Variants in TBC1D1 observed in about 807,000 individuals in gnomAD.
TBC1D1 encodes the protein TBC1 (tre-2/USP6, BUB2, cdc16) domain family, member 1.
In TBC1D1, 89 loss-of-function variants were observed where a neutral mutation model predicts 125.6. The ratio of observed to expected loss-of-function variants is 0.71; its 90% CI spans 0.60 to 0.85. The LOEUF is 0.85. Ranked by LOEUF, TBC1D1 falls within the 40% of genes least tolerant of loss-of-function variation. TBC1D1 has a pLI of 0.00. For missense variants in TBC1D1, 1,377 were observed against 1,469.2 expected, an observed-to-expected ratio of 0.94 and a Z score of 1.03; for synonymous variants, 565 against 564.1, an observed-to-expected ratio of 1.00 and a Z score of -0.02.
rs977884657 is a variant in TBC1D1 at position 38,054,228 on chromosome 4, G to A, written c.1940G>A (p.Gly647Asp). 6.2e-7 allele frequency: 1 copy of A among 1,614,040 alleles called. No individual in the cohort carries two copies. Among genetic ancestry groups the A allele is most frequent in the African/African-American group, 1.3e-5 (1 of 74,918 alleles). Reference sequence around the variant, plus strand: ...TTTGAATCCAAAGCAAACCATCTTGGTGATTCTGGTGGGACTCCTGTGAAG... The same window carrying A: ...TTTGAATCCAAAGCAAACCATCTTGATGATTCTGGTGGGACTCCTGTGAAG... Residue 647 changes from glycine to aspartate, a missense_variant, in exon 12 of 20, where the codon GGT becomes GAT. By Grantham distance (94) the Gly-to-Asp change is moderately conservative. This residue lies in a region of TBC1D1 where 12 missense variants were observed against 31.1 expected (regional missense o/e 0.39). Coordinates refer to ENST00000261439, the MANE Select transcript of TBC1D1 (RefSeq NM_015173.4).
chr4:38,050,540 A>G (rs1298468322), intron 11 of TBC1D1, among the ~76,000 whole-genome samples: 2 of 152,214 alleles, frequency 1.3e-5, no homozygotes, highest in Non-Finnish European at 2.9e-5. Flanking sequence ...AGTTCCCCCC[A>G]TTCCTTCCAA....
At chr4:37,956,116 T>C (rs1728888966) in intron 2 of TBC1D1, among the ~76,000 whole-genome samples, 1 of 151,874 alleles carries the variant, frequency 6.6e-6, no homozygotes, top group Non-Finnish European at 1.5e-5. Flanking sequence ...AACATCTGCC[T>C]CCCAGGTTCA....
In TBC1D1 at chr4:38,058,009, C is replaced by T. The variant is rs77457064; in HGVS notation, c.2050+3671C>T. Among the ~76,000 whole-genome samples, 21 of 152,318 alleles carry T rather than the reference C, an allele frequency of 1.4e-4. No homozygotes were observed. The East Asian group carries it at 3.9e-3, about 28-fold the overall frequency. On this transcript the variant is annotated intron_variant, in intron 12 of 19. Transcript: ENST00000261439. ...GCTCCCTATAGGCATCTGTGTTGGGCGTGGACTCTCAGTGTACCTGCATGT... is the reference window on the plus strand; with the variant it reads ...GCTCCCTATAGGCATCTGTGTTGGGTGTGGACTCTCAGTGTACCTGCATGT...
At chr4:38,025,712 G>C (rs1744949004) in intron 6 of TBC1D1, among the ~76,000 whole-genome samples, 1 of 152,160 alleles carries the variant, frequency 6.6e-6, no homozygotes, top group Non-Finnish European at 1.5e-5. Context: ...ATGTGGGGGG[G>C]ATTTTTAGTG....
At chr4:38,055,712 C>T (rs978192014) in intron 12 of TBC1D1, among the ~76,000 whole-genome samples, 2 of 152,174 alleles carry the variant, frequency 1.3e-5, no homozygotes, top group African/African-American at 2.4e-5. Context: ...GGTTTGATTT[C>T]TCTTCCTGCC....
Position 38,014,723 on chromosome 4 carries a change from G to GCCGCCC in TBC1D1, c.634_635insGCCCCC (p.Ser211_Pro212insArgPro). ...GTCAGCGGCAGCCGGGGGTCCGAGA[G>GCCGCCC]CCCCCGCCCCAACCCGCCCCATGCC... is the stretch of plus-strand genomic sequence containing the variant. On this transcript the variant is annotated inframe_insertion, in exon 3 of 20. Coordinates refer to ENST00000261439, the MANE Select transcript of TBC1D1 (RefSeq NM_015173.4). The surrounding 1 kb of genome is among the most constrained non-coding windows in gnomAD (Gnocchi z 5.1). The GCCGCCC allele has an allele frequency of 6.2e-7, 1 of 1,600,220 alleles. No individual in the cohort carries two copies.
At chr4:38,076,107 A>G (rs1204921678) in intron 12 of TBC1D1, among the ~76,000 whole-genome samples, 1 of 152,212 alleles carries the variant, frequency 6.6e-6, no homozygotes, top group Non-Finnish European at 1.5e-5. Context: ...TTTATAAAGG[A>G]AAGAGGTTGA....
intron 14 of TBC1D1, among the ~76,000 whole-genome samples, chr4:38,102,027 G>C (rs1222855396): frequency 6.8e-6 from 1 of 147,658 alleles, no homozygotes; most frequent in African/African-American, 2.5e-5. Flanking sequence ...CTCACTCATA[G>C]GTGGGAATTG....
chr4:37,961,799 G>A (rs1250710686), intron 2 of TBC1D1, among the ~76,000 whole-genome samples: 3 of 152,190 alleles, frequency 2.0e-5, no homozygotes, highest in Admixed American at 2.0e-4. Context: ...AACCATCAAA[G>A]GCCATGACAG....
intron 17 of TBC1D1, chr4:38,118,429 C>T (rs1560261047): frequency 2.1e-5 from 11 of 517,104 alleles, no homozygotes; most frequent in Non-Finnish European, 3.4e-5. Context: ...GGATCCGATC[C>T]GTGTAGATCC....
chr4:37,936,857 T>C (rs1477829943), intron 2 of TBC1D1, among the ~76,000 whole-genome samples: 1 of 152,196 alleles, frequency 6.6e-6, no homozygotes, highest in African/African-American at 2.4e-5. Context: ...AATACTTTAT[T>C]GAATGAACTA....
chr4:38,117,217 T>G (rs1361002912), intron 16 of TBC1D1, among the ~76,000 whole-genome samples: 1 of 152,256 alleles, frequency 6.6e-6, no homozygotes, highest in Admixed American at 6.5e-5. Context: ...TTTTGTTTTC[T>G]TTCTCTCAGT....
chr4:38,117,419 G>C (rs1474217191), intron 16 of TBC1D1, among the ~76,000 whole-genome samples: 3 of 152,180 alleles, frequency 2.0e-5, no homozygotes, highest in African/African-American at 7.2e-5. Context: ...ATTCTGTGAA[G>C]TTGGAGTTCC....
chr4:37,956,258 G>T (rs536395829), intron 2 of TBC1D1, among the ~76,000 whole-genome samples: 3 of 152,072 alleles, frequency 2.0e-5, no homozygotes, highest in African/African-American at 7.2e-5. Context: ...GACTTCAAGC[G>T]ATCACCCATC....
At chr4:38,133,039 G>A in intron 18 of TBC1D1, 45 bp from the exon 21 acceptor site, 2 of 1,569,794 alleles carry the variant, frequency 1.3e-6, no homozygotes, top group Non-Finnish European at 1.7e-6. Context: ...TACTTGTGGG[G>A]TTTTTCTCAG....
intron 2 of TBC1D1, among the ~76,000 whole-genome samples, chr4:37,926,448 T>C (rs1382695289): frequency 1.3e-5 from 2 of 152,014 alleles, no homozygotes; most frequent in Non-Finnish European, 2.9e-5. Flanking sequence ...GGGTGGTGAG[T>C]TCATTCTTCA....
intron 2 of TBC1D1, among the ~76,000 whole-genome samples, chr4:37,942,276 A>G (rs1223535950): frequency 1.3e-5 from 2 of 152,152 alleles, no homozygotes; most frequent in Non-Finnish European, 2.9e-5. Flanking sequence ...ACCATTATGT[A>G]ATGGCCTTCT....
At chr4:38,127,677 C>T (rs1764884716) in intron 18 of TBC1D1, among the ~76,000 whole-genome samples, 2 of 152,160 alleles carry the variant, frequency 1.3e-5, no homozygotes, top group African/African-American at 2.4e-5. Flanking sequence ...AGCCACTGTG[C>T]CCGACCTCCA....
At chr4:38,078,666 AG>A (rs1756013389) in intron 12 of TBC1D1, among the ~76,000 whole-genome samples, 1 of 152,344 alleles carries the variant, frequency 6.6e-6, no homozygotes, top group South Asian at 2.1e-4. Context: ...TCTGCAAGTC[AG>A]GAAGAGAGAG....
Sources: gnomAD v4.1 joint callset for allele counts (sites outside exome capture counted in the v4.1 genomes callset) on GRCh38, gnomAD v4.1.1 for gene constraint, gnomAD v4.1.1 regional missense constraint, Gnocchi (gnomAD v3.1) non-coding constraint, MANE v1.5 for transcripts, NCBI Gene and HGNC (gene_info 2026-07-23, HGNC 2026-07-21) for gene names.